The following FARS2 variants were observed in gnomAD, a reference collection of about 807,000 sequenced individuals.
FARS2 encodes phenylalanine--tRNA ligase, mitochondrial.
In FARS2, 40 loss-of-function variants were observed where a neutral mutation model predicts 46.4. The observed-to-expected ratio is 0.86, with a 90% CI of 0.67 to 1.12. The LOEUF is 1.12. Ranked by LOEUF, FARS2 falls within the 50% of genes most tolerant of loss-of-function variation. The pLI is 0.00. For synonymous variants in FARS2, 234 were observed against 214.9 expected, an observed-to-expected ratio of 1.09 and a Z score of -0.78; for missense variants, 513 against 567.9, an observed-to-expected ratio of 0.90 and a Z score of 0.98.
the FARS2 span, among the ~76,000 whole-genome samples, chr6:5,253,465 T>G: frequency 2.0e-5 from 3 of 152,182 alleles, no homozygotes; most frequent in Non-Finnish European, 4.4e-5. Flanking sequence ...TTATGTTTAT[T>G]TTACACTATG....
At chr6:5,492,381 C>T (rs975172601) in intron 4 of FARS2, among the ~76,000 whole-genome samples, 6 of 152,146 alleles carry the variant, frequency 3.9e-5, no homozygotes, top group South Asian at 4.1e-4. Context: ...AGTGTATATT[C>T]GACTTTTCTA....
chr6:5,462,453 A>G (rs963026717), intron 4 of FARS2, among the ~76,000 whole-genome samples: 1 of 152,142 alleles, frequency 6.6e-6, no homozygotes, highest in African/African-American at 2.4e-5. Context: ...CCTAAGAACT[A>G]TTTGACTAAC....
At chr6:5,377,442 C>T (rs577092709) in intron 2 of FARS2, among the ~76,000 whole-genome samples, 7 of 152,264 alleles carry the variant, frequency 4.6e-5, no homozygotes, top group African/African-American at 7.2e-5. Flanking sequence ...ATTTTTCTGT[C>T]GTGTACACAC....
At chr6:5,280,880 G>T (rs1766675242) in intron 1 of FARS2, among the ~76,000 whole-genome samples, 1 of 151,922 alleles carries the variant, frequency 6.6e-6, no homozygotes, top group Admixed American at 6.6e-5. Flanking sequence ...AGTATGTAGG[G>T]GTAGAAGATC....
At chr6:5,445,449 C>T (rs763950208) in intron 4 of FARS2, among the ~76,000 whole-genome samples, 9 of 151,966 alleles carry the variant, frequency 5.9e-5, no homozygotes, top group African/African-American at 2.2e-4. Context: ...GTATTTTAGG[C>T]TGGAAGCAAT....
At chr6:5,437,135 A>G (rs529948621) in intron 4 of FARS2, among the ~76,000 whole-genome samples, 5 of 152,242 alleles carry the variant, frequency 3.3e-5, no homozygotes, top group African/African-American at 1.2e-4. Context: ...ATTTTCTACT[A>G]TTTTATATAA....
chr6:5,493,332 A>G (rs1767249292), intron 4 of FARS2, among the ~76,000 whole-genome samples: 2 of 152,102 alleles, frequency 1.3e-5, no homozygotes, highest in African/African-American at 4.8e-5. Context: ...TTCTCCACTT[A>G]GAATTTAACA....
At chr6:5,691,360 G>A (rs1304937996) in intron 6 of FARS2, among the ~76,000 whole-genome samples, 2 of 152,144 alleles carry the variant, frequency 1.3e-5, no homozygotes, top group Non-Finnish European at 2.9e-5. Context: ...CGTACAGATG[G>A]GGTTTTGGTG....
chr6:5,481,951 T>C (rs1293032543), intron 4 of FARS2, among the ~76,000 whole-genome samples: 4 of 152,174 alleles, frequency 2.6e-5, no homozygotes, highest in African/African-American at 9.7e-5. Context: ...CGTAAGTTCC[T>C]TCTCAGCATG....
chr6:5,433,558 G>C (rs907307399), intron 4 of FARS2, among the ~76,000 whole-genome samples: 4 of 152,194 alleles, frequency 2.6e-5, no homozygotes, highest in African/African-American at 4.8e-5. Context: ...AGAAAAGTAA[G>C]AGTAATAAAC....
Position 5,573,435 on chromosome 6 carries a change from T to G in FARS2, c.1065+28095T>G, listed in dbSNP as rs142632245. On this transcript the variant is annotated intron_variant, in intron 5 of 6. Coordinates refer to ENST00000274680, the MANE Select transcript of FARS2 (RefSeq NM_006567.5). ...ACGCGTGCGTGCATATAGACACGTG[T>G]GTGTATAATTTTATTTAATCCCAGC... is the stretch of plus-strand genomic sequence containing the variant. Among the ~76,000 whole-genome samples the G allele has an allele frequency of 2.3e-3, 351 of 152,268 alleles. 3 individuals carry two copies. Among genetic ancestry groups the G allele is most frequent in the African/African-American group, 7.7e-3 (322 of 41,558 alleles).
At chr6:5,524,114 GAAT>G (rs1455984308) in intron 4 of FARS2, among the ~76,000 whole-genome samples, 2 of 42,980 alleles carry the variant, frequency 4.7e-5, no homozygotes, top group Admixed American at 3.2e-4. Context: ...AATAGATAAT[GAAT>G]GTACCACTTG....
intron 6 of FARS2, among the ~76,000 whole-genome samples, chr6:5,716,291 A>T (rs1321898770): frequency 6.6e-6 from 1 of 152,212 alleles, no homozygotes; most frequent in East Asian, 1.9e-4. Flanking sequence ...TACTTAAAAG[A>T]AAATTAATTG....
chr6:5,318,131 C>T (rs1769671187), intron 1 of FARS2, among the ~76,000 whole-genome samples: 1 of 151,944 alleles, frequency 6.6e-6, no homozygotes, highest in South Asian at 2.1e-4. Context: ...GAGGCCAAGG[C>T]GGGAGGATCA....
chr6:5,685,423 C>T (rs1446244739), intron 6 of FARS2, among the ~76,000 whole-genome samples: 9 of 152,136 alleles, frequency 5.9e-5, no homozygotes, highest in African/African-American at 9.7e-5. Context: ...ATCGTGGCCA[C>T]GGAGGTGAGC....
intron 5 of FARS2, among the ~76,000 whole-genome samples, chr6:5,606,939 G>C (rs1456703809): frequency 6.6e-6 from 1 of 152,054 alleles, no homozygotes; most frequent in African/African-American, 2.4e-5. Flanking sequence ...TTCTGGTGAG[G>C]GAACAAACCA....
intron 5 of FARS2, among the ~76,000 whole-genome samples, chr6:5,590,193 G>A (rs1773833841): frequency 6.6e-6 from 1 of 152,230 alleles, no homozygotes; most frequent in African/African-American, 2.4e-5. Flanking sequence ...AGGCAAATGT[G>A]ATAGTGAAGA....
chr6:5,676,610 T>C (rs1561793553), intron 6 of FARS2, among the ~76,000 whole-genome samples: 1 of 152,186 alleles, frequency 6.6e-6, no homozygotes, highest in Non-Finnish European at 1.5e-5. Flanking sequence ...TGATTGCAAA[T>C]AGGATTTTTA....
intron 6 of FARS2, among the ~76,000 whole-genome samples, chr6:5,663,355 CA>C (rs1554122575): frequency 6.6e-6 from 1 of 152,100 alleles, no homozygotes; most frequent in Non-Finnish European, 1.5e-5. Context: ...ATTGAACTTT[CA>C]AAAAAATTCT....
Sources: allele counts gnomAD v4.1 joint callset (sites outside exome capture counted in the v4.1 genomes callset), GRCh38; gene constraint gnomAD v4.1.1; transcripts MANE v1.5; gene names NCBI Gene and HGNC (gene_info 2026-07-23, HGNC 2026-07-21).